Variants in CELSR1 observed in about 807,000 individuals in gnomAD.
CELSR1 encodes adhesion G protein-coupled receptor C1.
CELSR1 carries 110 observed loss-of-function variants against 249.1 expected under a neutral mutation model. The ratio of observed to expected loss-of-function variants is 0.44; its 90% CI spans 0.38 to 0.52. The LOEUF is 0.52. Among genes scored for constraint, CELSR1 ranks in the 20% least tolerant of loss-of-function variants. CELSR1 has a pLI of 0.00. For synonymous variants in CELSR1, 2,113 were observed against 1,900.0 expected (o/e 1.11, Z -2.92); for missense variants, 4,109 against 4,296.4 (o/e 0.96, Z 1.22).
At chr22:46,449,732 T>C (rs1402168835) in intron 2 of CELSR1, among the ~76,000 whole-genome samples, 2 of 151,964 alleles carry the variant, frequency 1.3e-5, no homozygotes, top group Non-Finnish European at 2.9e-5. Context: ...AGGGGGAAGC[T>C]TTGAAGGGGT....
At chr22:46,476,261 C>T (rs959638732) in intron 1 of CELSR1, among the ~76,000 whole-genome samples, 1 of 151,984 alleles carries the variant, frequency 6.6e-6, no homozygotes, top group African/African-American at 2.4e-5. Flanking sequence ...ATGGACAAAC[C>T]CAGTATGTTC....
chr22:46,462,284 C>A (rs1485887211), intron 2 of CELSR1, among the ~76,000 whole-genome samples: 1 of 152,326 alleles, frequency 6.6e-6, no homozygotes, highest in East Asian at 1.9e-4. Flanking sequence ...CTTCCTTCCA[C>A]CTGCCATATG....
At chr22:46,388,032 A>T (rs1281076918) in intron 18 of CELSR1, among the ~76,000 whole-genome samples, 1 of 152,132 alleles carries the variant, frequency 6.6e-6, no homozygotes, top group African/African-American at 2.4e-5. Flanking sequence ...GGCTGTGCTC[A>T]GGGGCTTGGG....
chr22:46,382,287 T>G (rs898648612), intron 20 of CELSR1, among the ~76,000 whole-genome samples: 5 of 152,108 alleles, frequency 3.3e-5, no homozygotes, highest in African/African-American at 1.2e-4. Context: ...ATTTATTTAT[T>G]TATTTTTTGA....
Position 46,364,128 on chromosome 22 carries a change from G to A in CELSR1, c.8903C>T (p.Ser2968Phe), listed in dbSNP as rs759333171. Residue 2968 changes from serine (S) to phenylalanine (F), a missense_variant, in exon 34 of 35, where the codon TCC becomes TTC. Physicochemically the swap from Ser to Phe is radical, Grantham distance 155. Around this residue, in one of 7 missense-constraint regions of CELSR1, gnomAD observed 1,805 missense variants for 1,831.6 expected, o/e 0.99. Coordinates refer to ENST00000674500, the MANE Select transcript of CELSR1 (RefSeq NM_001378328.1). Reference sequence around the variant, plus strand: ...GCAGTCGGGGCCGCCAGAGCCCAGGGAAGACGTGCGCGAGGATGTGGGGCT... The same window carrying A: ...GCAGTCGGGGCCGCCAGAGCCCAGGAAAGACGTGCGCGAGGATGTGGGGCT... ...EQSPTSSRTS[S>F]LGSGGPDCAI... The A allele has an allele frequency of 3.7e-6, 6 of 1,612,290 alleles. No individual in the cohort carries two copies. The East Asian group carries it at 8.9e-5, about 24-fold the overall frequency.
chr22:46,490,963 C>T lies in CELSR1; in HGVS notation c.3545-26618G>A, dbSNP rs1406393800. 2.0e-5 allele frequency among the ~76,000 whole-genome samples: 3 copies of T among 152,174 alleles called. No individual in the cohort carries two copies. Among genetic ancestry groups the T allele is most frequent in the African/African-American group, 7.2e-5 (3 of 41,438 alleles). ...CACCTGAGGGCTGCCTCTGCACCCA[C>T]AGGCGGGGGATTTTGTTCCCCTACA... On this transcript the variant is annotated intron_variant, in intron 1 of 34. Coordinates refer to ENST00000674500, the MANE Select transcript of CELSR1 (RefSeq NM_001378328.1). This position sits in a 1 kb window ranked among gnomAD's most constrained non-coding sequence, Gnocchi z 5.2.
In CELSR1 at chr22:46,412,821, C is replaced by T. The variant is rs1053073294; in HGVS notation, c.4612-1062G>A. 1.3e-5 allele frequency among the ~76,000 whole-genome samples: 2 copies of T among 152,230 alleles called. No homozygotes were observed. Among genetic ancestry groups the T allele is most frequent in the African/African-American group, 4.8e-5 (2 of 41,450 alleles). On this transcript the variant is annotated intron_variant, in intron 5 of 34. Transcript: ENST00000674500. The surrounding 1 kb of genome is among the most constrained non-coding windows in gnomAD (Gnocchi z 4.5). The stretch of plus-strand genomic sequence containing the variant: ...CAGTTGGTGCCAGCTCCAACCGGGA[C>T]AGGCAACAGAATGTCTTTCATCTGC...
chr22:46,419,917 G>A (rs571113542), intron 5 of CELSR1, among the ~76,000 whole-genome samples: 196 of 149,904 alleles, frequency 1.3e-3, no homozygotes, highest in African/African-American at 4.6e-3. Context: ...TTATTCATAC[G>A]CTCACACGTA....
intron 2 of CELSR1, among the ~76,000 whole-genome samples, chr22:46,443,546 G>C (rs1029993826): frequency 1.3e-5 from 2 of 152,232 alleles, no homozygotes; most frequent in African/African-American, 4.8e-5. Flanking sequence ...CCGCCCTGCA[G>C]GCGGGCCATG....
chr22:46,495,790 G>A (rs1602211084), intron 1 of CELSR1, among the ~76,000 whole-genome samples: 1 of 152,232 alleles, frequency 6.6e-6, no homozygotes, highest in Admixed American at 6.5e-5. Context: ...ACTCCAGCTT[G>A]GGCAACAAGA....
chr22:46,536,408 A>G lies in CELSR1; in HGVS notation c.763T>C (p.Phe255Leu), dbSNP rs761470061. The G allele has an allele frequency of 1.2e-6, 2 of 1,612,214 alleles. No individual in the cohort carries two copies. Among genetic ancestry groups the G allele is most frequent in the Non-Finnish European group, 1.7e-6 (2 of 1,179,540 alleles). The change falls in exon 1 of 35, where the codon TTT becomes CTT. Residue 255 changes from phenylalanine (F) to leucine (L), a missense_variant. Phe to Leu is a conservative substitution (Grantham distance 22). Coordinates refer to ENST00000674500, the MANE Select transcript of CELSR1 (RefSeq NM_001378328.1). Reference sequence around the variant, plus strand: ...AGGGTGCCCGCCGGTTCGTTCTCAAACAACGCCACCTGGTAGTTGGGCATC... The same window carrying G: ...AGGGTGCCCGCCGGTTCGTTCTCAAGCAACGCCACCTGGTAGTTGGGCATC... ...FPMPNYQVAL[F>L]ENEPAGTLIL...
chr22:46,386,552 G>A lies in CELSR1; in HGVS notation c.6589C>T (p.Pro2197Ser), dbSNP rs1424093513. The A allele has an allele frequency of 6.3e-7, 1 of 1,597,456 alleles. No individual in the cohort carries two copies. Among genetic ancestry groups the A allele is most frequent in the Admixed American group, 1.7e-5 (1 of 58,096 alleles). The change falls in exon 19 of 35, where the codon CCA (proline) becomes TCA (serine). Residue 2197 changes from proline to serine, a missense_variant. Physicochemically the swap from Pro to Ser is moderately conservative, Grantham distance 74 (BLOSUM62 -1). Transcript: ENST00000674500. ...VIHSGSALLA[P>S]ATRAAWEQIQ... The stretch of plus-strand genomic sequence containing the variant: ...TGCTCCCACGCCGCCCTGGTGGCTG[G>A]GGCCAGGAGGGCGCTGCCCGAGTGG...
At chr22:46,366,220 AAGGTGCGGGGCAG>A (rs2078777934) in intron 30 of CELSR1, among the ~76,000 whole-genome samples, 153 bp downstream of exon 30, 1 of 48,730 alleles carries the variant, frequency 2.1e-5, no homozygotes, top group Non-Finnish European at 3.6e-5. Flanking sequence ...GCGGGGAGGG[AAGGTGCGGGGCAG>A]GGAGGGAAGT....
At chr22:46,369,309 T>A (rs2078824835) in intron 26 of CELSR1, 51 bp from the exon 27 acceptor site, 1 of 554,058 alleles carries the variant, frequency 1.8e-6, no homozygotes, top group Non-Finnish European at 2.8e-6. Flanking sequence ...ACTGCAGACC[T>A]CCAACTGCCA....
Position 46,381,501 on chromosome 22 carries a change from A to G in CELSR1, c.7088+345T>C, listed in dbSNP as rs1371201422. 2.0e-5 allele frequency among the ~76,000 whole-genome samples: 3 copies of G among 152,206 alleles called. No individual in the cohort carries two copies. The highest frequency in any genetic ancestry group is 4.4e-5 in the Non-Finnish European group (3 of 68,034). ...GAGCAGACCTAACCCCGGGGCCAGC[A>G]GCAGGCACTACCCATGACAGCCTTG... On this transcript the variant is annotated intron_variant, in intron 21 of 34. Coordinates refer to ENST00000674500, the MANE Select transcript of CELSR1 (RefSeq NM_001378328.1). The surrounding 1 kb of genome is among the most constrained non-coding windows in gnomAD (Gnocchi z 6.0).
chr22:46,417,650 G>C lies in CELSR1; in HGVS notation c.4612-5891C>G, dbSNP rs141941012. On this transcript the variant is annotated intron_variant, in intron 5 of 34. Transcript: ENST00000674500. The surrounding 1 kb of genome is among the most constrained non-coding windows in gnomAD (Gnocchi z 4.1). ...TTCCTCTGCCCAACTCTGGCTGAGG[G>C]GGACAGGTGCTCCTGAATCCCTCAC... 6.4e-4 allele frequency among the ~76,000 whole-genome samples: 98 copies of C among 152,318 alleles called. No individual in the cohort carries two copies. The highest frequency in any genetic ancestry group is 3.4e-3 in the Middle Eastern group (1 of 294).
At chr22:46,461,731 C>T (rs896286594) in intron 2 of CELSR1, among the ~76,000 whole-genome samples, 1 of 152,250 alleles carries the variant, frequency 6.6e-6, no homozygotes, top group Admixed American at 6.5e-5. Flanking sequence ...GTAAAGATGG[C>T]GTCCTTGCCA....
chr22:46,524,564 GTGTGTGTCTGTC>G (rs201239611), intron 1 of CELSR1, among the ~76,000 whole-genome samples: 51,353 of 148,738 alleles, frequency 0.35, 10,519 homozygotes, highest in East Asian at 0.7. Flanking sequence ...GTGTGTGTGT[GTGTGTGTCTGTC>G]TGTCTGTGTG....
chr22:46,444,780 G>T (rs1252282068), intron 2 of CELSR1, among the ~76,000 whole-genome samples: 2 of 152,138 alleles, frequency 1.3e-5, no homozygotes, highest in Non-Finnish European at 2.9e-5. Flanking sequence ...GCTCCCTCTG[G>T]AGGCTCCAGG....
Sources: allele counts gnomAD v4.1 joint callset (sites outside exome capture counted in the v4.1 genomes callset), GRCh38; gene constraint gnomAD v4.1.1; regional missense constraint gnomAD v4.1.1; non-coding constraint Gnocchi (gnomAD v3.1); transcripts MANE v1.5; gene names NCBI Gene and HGNC (gene_info 2026-07-23, HGNC 2026-07-21).